The following LRRC7 variants were observed in gnomAD, a reference collection of about 807,000 sequenced individuals.
LRRC7 encodes leucine-rich repeat-containing protein 7.
In LRRC7, 23 loss-of-function variants were observed where a neutral mutation model predicts 175.7. The observed-to-expected ratio is 0.13, with a 90% CI of 0.09 to 0.19. LRRC7 has a LOEUF of 0.19. LRRC7 is among the 10% of genes least tolerant of loss of function. The pLI, the probability that LRRC7 is intolerant of heterozygous loss-of-function variation, is 1.00. For missense variants in LRRC7, 1,354 were observed against 1,904.7 expected, an observed-to-expected ratio of 0.71 and a Z score of 5.38; for synonymous variants, 685 against 680.9, an observed-to-expected ratio of 1.01 and a Z score of -0.09.
At chr1:70,035,522 TGAG>T (rs1452164578) in intron 18 of LRRC7, among the ~76,000 whole-genome samples, 4 of 148,114 alleles carry the variant, frequency 2.7e-5, no homozygotes, top group African/African-American at 7.6e-5. Flanking sequence ...CTTGAGAAAT[TGAG>T]GAGATGATCA....
At chr1:70,075,054 A>G (rs1371931236) in intron 23 of LRRC7, among the ~76,000 whole-genome samples, 2 of 152,216 alleles carry the variant, frequency 1.3e-5, no homozygotes, top group African/African-American at 2.4e-5. Flanking sequence ...TAAAAGATCA[A>G]GAGGAAAGAA....
chr1:69,693,071 G>A (rs1007866389), intron 2 of LRRC7, among the ~76,000 whole-genome samples: 3 of 152,056 alleles, frequency 2.0e-5, no homozygotes, highest in Non-Finnish European at 4.4e-5. Context: ...TCCGTGTCTC[G>A]CATGCCTTCA....
At chr1:69,998,009 C>T (rs1016397635) in intron 11 of LRRC7, among the ~76,000 whole-genome samples, 22 of 152,026 alleles carry the variant, frequency 1.4e-4, no homozygotes, top group South Asian at 1.0e-3. Flanking sequence ...TGGTAGAATT[C>T]GGCTGTGAAT....
chr1:70,075,382 G>C (rs1662698371), intron 23 of LRRC7, among the ~76,000 whole-genome samples: 1 of 152,130 alleles, frequency 6.6e-6, no homozygotes, highest in South Asian at 2.1e-4. Flanking sequence ...ACCGCAGCAA[G>C]CATACCCTCT....
At chr1:69,853,440 C>T (rs533215181) in intron 7 of LRRC7, among the ~76,000 whole-genome samples, 4 of 151,172 alleles carry the variant, frequency 2.6e-5, no homozygotes, top group East Asian at 3.9e-4. Flanking sequence ...CACCACACCC[C>T]GCTAATTTTT....
intron 5 of LRRC7, among the ~76,000 whole-genome samples, chr1:69,829,151 G>A (rs1045042793): frequency 6.6e-6 from 1 of 151,898 alleles, no homozygotes; most frequent in Non-Finnish European, 1.5e-5. Context: ...AATCTGAGCA[G>A]CAGATATTAG....
At chr1:70,004,458 C>G (rs145638775) in intron 11 of LRRC7, among the ~76,000 whole-genome samples, 99 of 152,152 alleles carry the variant, frequency 6.5e-4, no homozygotes, top group African/African-American at 2.2e-3. Flanking sequence ...TTGCTATGTG[C>G]CCATTCTAAG....
At chr1:69,817,634 A>G (rs565918607) in intron 4 of LRRC7, among the ~76,000 whole-genome samples, 1 of 152,074 alleles carries the variant, frequency 6.6e-6, no homozygotes, top group Non-Finnish European at 1.5e-5. Context: ...TTTCATATAA[A>G]TTTTAGGATT....
chr1:70,050,208 C>T (rs545717895), intron 22 of LRRC7, among the ~76,000 whole-genome samples: 3 of 152,106 alleles, frequency 2.0e-5, no homozygotes, highest in East Asian at 1.9e-4. Flanking sequence ...TATGCATGCA[C>T]GTTTATGTCT....
intron 8 of LRRC7, among the ~76,000 whole-genome samples, chr1:69,967,481 C>T (rs1008018560): frequency 6.6e-6 from 1 of 152,180 alleles, no homozygotes; most frequent in African/African-American, 2.4e-5. Flanking sequence ...CACCTCTCAG[C>T]AGGATGCCAG....
intron 2 of LRRC7, among the ~76,000 whole-genome samples, chr1:69,692,885 T>C (rs1169555490): frequency 6.6e-6 from 1 of 152,136 alleles, no homozygotes; most frequent in African/African-American, 2.4e-5. Flanking sequence ...ATATGGGCCT[T>C]CCCTAAAGCA....
chr1:69,719,768 G>T (rs1222798599), intron 2 of LRRC7, among the ~76,000 whole-genome samples: 6 of 151,548 alleles, frequency 4.0e-5, no homozygotes, highest in Non-Finnish European at 8.9e-5. Context: ...AAAAAAGTAT[G>T]ATGAAGAATG....
intron 5 of LRRC7, among the ~76,000 whole-genome samples, chr1:69,830,061 A>T (rs1278164138): frequency 6.6e-6 from 1 of 151,822 alleles, no homozygotes; most frequent in African/African-American, 2.4e-5. Context: ...CAGAAACCTC[A>T]TTATGTAGAT....
At chr1:69,705,408 G>A (rs1242600019) in intron 2 of LRRC7, among the ~76,000 whole-genome samples, 2 of 152,092 alleles carry the variant, frequency 1.3e-5, no homozygotes, top group African/African-American at 2.4e-5. Flanking sequence ...ACATCATTGG[G>A]ACAGGATGTG....
At chr1:69,886,157 A>G (rs1044445848) in intron 7 of LRRC7, among the ~76,000 whole-genome samples, 17 of 151,984 alleles carry the variant, frequency 1.1e-4, no homozygotes, top group African/African-American at 4.1e-4. Flanking sequence ...GCTGAGTTCA[A>G]TTCCTGGGTA....
chr1:69,983,358 C>A lies in LRRC7; in HGVS notation c.787-2884C>A, dbSNP rs984490076. ...TGTGCCCTCCAAATGGACTTTGTAGCCTGTAGTCTGATAAAATTGAGTTTG... is the reference window on the plus strand; with the variant it reads ...TGTGCCCTCCAAATGGACTTTGTAGACTGTAGTCTGATAAAATTGAGTTTG... On this transcript the variant is annotated intron_variant, in intron 9 of 26. Coordinates refer to ENST00000651989, the MANE Select transcript of LRRC7 (RefSeq NM_001370785.2). Among the ~76,000 whole-genome samples the A allele has an allele frequency of 5.7e-4, 87 of 152,154 alleles. 3 individuals carry two copies. Among genetic ancestry groups the A allele is most frequent in the Non-Finnish European group, 1.5e-5 (1 of 68,014 alleles).
intron 2 of LRRC7, among the ~76,000 whole-genome samples, chr1:69,710,295 A>G (rs867301703): frequency 1.4e-4 from 21 of 150,504 alleles, no homozygotes; most frequent in East Asian, 7.8e-4. Context: ...AAAAAAAAAA[A>G]AAAGAAAGAA....
intron 8 of LRRC7, among the ~76,000 whole-genome samples, chr1:69,955,187 A>G (rs1190288523): frequency 6.6e-6 from 1 of 152,014 alleles, no homozygotes; most frequent in Non-Finnish European, 1.5e-5. Context: ...GGTTCTCAAT[A>G]TACAAAAGTA....
intron 7 of LRRC7, among the ~76,000 whole-genome samples, chr1:69,911,676 A>C (rs1340365530): frequency 6.6e-6 from 1 of 152,210 alleles, no homozygotes; most frequent in Non-Finnish European, 1.5e-5. Context: ...GATGATGACT[A>C]TATGACATTT....
Sources: allele counts gnomAD v4.1 joint callset (sites outside exome capture counted in the v4.1 genomes callset), GRCh38; gene constraint gnomAD v4.1.1; transcripts MANE v1.5; gene names NCBI Gene and HGNC (gene_info 2026-07-23, HGNC 2026-07-21).